Variants in CNPY1 observed in about 807,000 individuals in gnomAD.
CNPY1 encodes the protein canopy FGF signaling regulator 1, also known as protein canopy homolog 1.
A neutral mutation model predicts 14.4 loss-of-function variants in CNPY1; 14 were observed. That is an observed-to-expected ratio of 0.97 (90% CI 0.64 to 1.52). The LOEUF is 1.52. CNPY1 is among the 40% of genes most tolerant of loss of function. CNPY1 has a pLI of 0.00. For missense variants in CNPY1, 129 were observed against 131.5 expected, an observed-to-expected ratio of 0.98 and a Z score of 0.09; for synonymous variants, 43 against 46.5, an observed-to-expected ratio of 0.92 and a Z score of 0.31.
intron 2 of CNPY1, among the ~76,000 whole-genome samples, chr7:155,530,125 T>C (rs530888917): frequency 5.1e-4 from 78 of 152,146 alleles, no homozygotes; most frequent in African/African-American, 1.9e-3. Context: ...AGAGGCACTG[T>C]TCAATCCAGT....
At chr7:155,544,079 C>T (rs1019261464) in intron 2 of CNPY1, among the ~76,000 whole-genome samples, 2 of 152,200 alleles carry the variant, frequency 1.3e-5, no homozygotes, top group African/African-American at 4.8e-5. Flanking sequence ...ACTGGAAAGG[C>T]TCAGGACCCC....
intron 2 of CNPY1, among the ~76,000 whole-genome samples, chr7:155,521,613 C>A (rs987083088): frequency 2.6e-5 from 4 of 152,202 alleles, no homozygotes; most frequent in African/African-American, 9.7e-5. Context: ...TTATGTACAG[C>A]CCATGAGCTG....
intron 2 of CNPY1, among the ~76,000 whole-genome samples, chr7:155,531,434 C>T (rs564568586): frequency 3.3e-5 from 5 of 152,298 alleles, no homozygotes; most frequent in Admixed American, 6.5e-5. Flanking sequence ...TGAGAGGCTT[C>T]GACAACTAAT....
intron 1 of CNPY1, 25 bp downstream of exon 1, chr7:155,546,404 T>A: frequency 2.5e-6 from 1 of 398,028 alleles, no homozygotes; most frequent in Non-Finnish European, 4.4e-6. Context: ...CCCAGGTAGG[T>A]CTTGAACTCA....
At chr7:155,538,105 A>AT (rs1450469423) in intron 2 of CNPY1, among the ~76,000 whole-genome samples, 1 of 152,072 alleles carries the variant, frequency 6.6e-6, no homozygotes, top group Non-Finnish European at 1.5e-5. Context: ...TACCCTTCGG[A>AT]TTTTTTCACA....
rs1051363998 is a variant in CNPY1, at chr7:155,545,912, G to T, written c.18C>A (p.His6Gln). MDEIE[H>Q]DITKARQKKT... ...TCTTCTGCCGAGCCTTGGTGATGTCGTGCTCTATCTCGTCCATCAGCGCCC... is the reference window on the plus strand; with the variant it reads ...TCTTCTGCCGAGCCTTGGTGATGTCTTGCTCTATCTCGTCCATCAGCGCCC... Residue 6 changes from histidine to glutamine, a missense_variant, in exon 2 of 5, where the codon CAC (histidine) becomes CAA (glutamine). Coordinates refer to ENST00000636446, the MANE Select transcript of CNPY1 (RefSeq NM_001393663.1). The T allele has an allele frequency of 5.0e-6, 2 of 398,608 alleles. No individual in the cohort carries two copies. The highest frequency in any genetic ancestry group is 8.8e-6 in the Non-Finnish European group (2 of 226,070). The allele number at this position is 398,608 out of a possible 1,614,324, so 24.7% of individuals were successfully genotyped here.
intron 2 of CNPY1, among the ~76,000 whole-genome samples, chr7:155,539,833 G>A (rs1797064286): frequency 6.6e-6 from 1 of 152,184 alleles, no homozygotes; most frequent in Admixed American, 6.5e-5. Flanking sequence ...TTTTAGGGGA[G>A]AGTCAGTGAT....
At chr7:155,519,588 C>T (rs1421836024) in intron 2 of CNPY1, among the ~76,000 whole-genome samples, 1 of 150,246 alleles carries the variant, frequency 6.7e-6, no homozygotes, top group Non-Finnish European at 1.5e-5. Flanking sequence ...AAAATGGGTG[C>T]AAAGTATAAA....
intron 2 of CNPY1, among the ~76,000 whole-genome samples, chr7:155,526,372 C>G (rs937823191): frequency 1.3e-5 from 2 of 152,154 alleles, no homozygotes; most frequent in Non-Finnish European, 2.9e-5. Flanking sequence ...GTGTAACAAA[C>G]GGCTGGCAGG....
At chr7:155,532,700 G>T (rs1796961978) in intron 2 of CNPY1, among the ~76,000 whole-genome samples, 1 of 65,704 alleles carries the variant, frequency 1.5e-5, no homozygotes, top group Admixed American at 1.3e-4. Flanking sequence ...AGGTTGCTGA[G>T]AATTTTTTTT....
intron 2 of CNPY1, among the ~76,000 whole-genome samples, chr7:155,520,987 C>T (rs528424757): frequency 1.7e-4 from 26 of 150,156 alleles, no homozygotes; most frequent in African/African-American, 6.1e-4. Context: ...ATTAGCCTGG[C>T]GTGGTGGCAC....
intron 2 of CNPY1, among the ~76,000 whole-genome samples, chr7:155,543,949 C>T (rs896416801): frequency 6.6e-6 from 1 of 152,212 alleles, no homozygotes. Context: ...CTGGCAAAAT[C>T]GGAAAAGCTA....
chr7:155,509,105 G>A lies in CNPY1; in HGVS notation c.100-8C>T. 6.6e-7 allele frequency: 1 copy of A among 1,507,560 alleles called. No homozygotes were observed. The highest frequency in any genetic ancestry group is 2.2e-5 in the Admixed American group (1 of 45,852). 93.4% of individuals were successfully genotyped at this position (1,507,560 alleles called of 1,614,324 possible). On this transcript the variant is annotated splice_region_variant and splice_polypyrimidine_tract_variant and intron_variant, in intron 2 of 4. Coordinates refer to ENST00000636446, the MANE Select transcript of CNPY1 (RefSeq NM_001393663.1). ...CGACTGAGCTAGGGGGATCTAAGAAGAAAGACAGGGCGAGGAAACTTGTCT... is the reference window on the plus strand; with the variant it reads ...CGACTGAGCTAGGGGGATCTAAGAAAAAAGACAGGGCGAGGAAACTTGTCT...
At chr7:155,533,560 A>G (rs1159496192) in intron 2 of CNPY1, among the ~76,000 whole-genome samples, 5 of 152,180 alleles carry the variant, frequency 3.3e-5, no homozygotes, top group African/African-American at 1.2e-4. Context: ...GCCCCGCAGC[A>G]CCAGCAGGGC....
chr7:155,539,383 A>G (rs1797058758), intron 2 of CNPY1, among the ~76,000 whole-genome samples: 1 of 152,194 alleles, frequency 6.6e-6, no homozygotes, highest in Non-Finnish European at 1.5e-5. Flanking sequence ...TATTTAATAT[A>G]TATTTCTACA....
intron 2 of CNPY1, among the ~76,000 whole-genome samples, chr7:155,540,522 G>A (rs182612250): frequency 1.3e-5 from 2 of 152,234 alleles, no homozygotes; most frequent in African/African-American, 4.8e-5. Context: ...GAAGCATGAG[G>A]TGTTGGTGCA....
intron 2 of CNPY1, 25 bp from the exon 3 acceptor site, chr7:155,509,122 A>C: frequency 7.1e-7 from 1 of 1,406,906 alleles, no homozygotes. Flanking sequence ...AGGGCGAGGA[A>C]ACTTGTCTTA....
chr7:155,540,352 T>C (rs1797070191), intron 2 of CNPY1, among the ~76,000 whole-genome samples: 2 of 152,224 alleles, frequency 1.3e-5, no homozygotes, highest in African/African-American at 4.8e-5. Flanking sequence ...GCAAATGGTA[T>C]TGGAATTTTT....
chr7:155,522,012 T>G (rs1796734640), intron 2 of CNPY1, among the ~76,000 whole-genome samples: 1 of 152,218 alleles, frequency 6.6e-6, no homozygotes, highest in East Asian at 1.9e-4. Context: ...AGCACTTTCC[T>G]CCTAGTGGGC....
Sources: allele counts gnomAD v4.1 joint callset (sites outside exome capture counted in the v4.1 genomes callset), GRCh38; gene constraint gnomAD v4.1.1; transcripts MANE v1.5; gene names NCBI Gene and HGNC (gene_info 2026-07-23, HGNC 2026-07-21).